Variants in DGLUCY observed in about 807,000 individuals in gnomAD.
The protein encoded by DGLUCY is D-glutamate cyclase, mitochondrial.
In DGLUCY, 58 loss-of-function variants were observed where a neutral mutation model predicts 58.5. The observed-to-expected ratio is 0.99, with a 90% CI of 0.80 to 1.23. The LOEUF (loss-of-function observed/expected upper bound fraction) is 1.23. Among genes scored for constraint, DGLUCY ranks in the 50% most tolerant of loss-of-function variants. The pLI is 0.00. For synonymous variants in DGLUCY, 325 were observed against 314.1 expected (o/e 1.03, Z -0.37); for missense variants, 779 against 784.7 (o/e 0.99, Z 0.09).
At chr14:91,156,121 T>TC (rs1287700980) in intron 1 of DGLUCY, among the ~76,000 whole-genome samples, 2 of 151,874 alleles carry the variant, frequency 1.3e-5, no homozygotes, top group African/African-American at 4.8e-5. Flanking sequence ...TCATTCTTTT[T>TC]TTTTTTTTTT....
chr14:91,196,296 A>C, intron 9 of DGLUCY, 79 bp from the exon 10 acceptor site: 1 of 1,104,528 alleles, frequency 9.1e-7, no homozygotes, highest in South Asian at 1.3e-5. Flanking sequence ...CCCTTCAAAG[A>C]AGCTTTTGAA....
At chr14:91,191,785 A>T (rs1417858204) in intron 9 of DGLUCY, among the ~76,000 whole-genome samples, 1 of 152,158 alleles carries the variant, frequency 6.6e-6, no homozygotes, top group East Asian at 1.9e-4. Flanking sequence ...GTGTGAGGAG[A>T]AGGATCAGGG....
chr14:91,147,621 C>T (rs558570157), intron 1 of DGLUCY, among the ~76,000 whole-genome samples: 49 of 152,318 alleles, frequency 3.2e-4, no homozygotes, highest in African/African-American at 4.3e-4. Flanking sequence ...TCTTCTGAAA[C>T]GTAACCCATA....
intron 1 of DGLUCY, among the ~76,000 whole-genome samples, chr14:91,127,347 C>T (rs2045765559): frequency 6.6e-6 from 1 of 152,188 alleles, no homozygotes; most frequent in South Asian, 2.1e-4. Context: ...AGCCACCATG[C>T]CAGGACCTTA....
In DGLUCY at chr14:91,196,394, C is replaced by A; in HGVS notation, c.1215C>A (p.Ile405=). The change falls in exon 10 of 14, where the codon ATC becomes ATA. Residue 405 remains isoleucine, a synonymous_variant. Coordinates refer to ENST00000256324, the MANE Select transcript of DGLUCY (RefSeq NM_001102368.3). The part of the protein sequence containing the change: ...AVEQGVLKTQ[I]PILTYQGGSV... Reference sequence around the variant, plus strand: ...TTCAAGGTGTTCTGAAGACGCAGATCCCGATATTAACTTACCAAGGTGGAT... The same window carrying A: ...TTCAAGGTGTTCTGAAGACGCAGATACCGATATTAACTTACCAAGGTGGAT... The A allele has an allele frequency of 6.2e-7, 1 of 1,614,060 alleles. No homozygotes were observed. The highest frequency in any genetic ancestry group is 1.3e-5 in the African/African-American group (1 of 75,016).
At chr14:91,198,235 G>T (rs554952015) in intron 10 of DGLUCY, among the ~76,000 whole-genome samples, 9 of 151,944 alleles carry the variant, frequency 5.9e-5, no homozygotes, top group Admixed American at 3.3e-4. Flanking sequence ...GTAGAGACTG[G>T]GTTTCACCAT....
Position 91,175,967 on chromosome 14 carries a change from C to T in DGLUCY, c.641C>T (p.Ala214Val), listed in dbSNP as rs753560430. The change falls in exon 7 of 14, where the codon GCC (alanine) becomes GTC (valine). Residue 214 changes from alanine (A) to valine (V), a missense_variant. Coordinates refer to ENST00000256324, the MANE Select transcript of DGLUCY (RefSeq NM_001102368.3). ...LLGIKELSKP[A>V]YGDAMVCPPG... is the part of the protein sequence containing the mutation. ...GGAATCAAAGAGCTTTCCAAACCTGCCTACGGGGATGCCATGGTGTGTCCC... is the reference window on the plus strand; with the variant it reads ...GGAATCAAAGAGCTTTCCAAACCTGTCTACGGGGATGCCATGGTGTGTCCC... The T allele has an allele frequency of 1.2e-6, 2 of 1,613,918 alleles. No homozygotes were observed. The highest frequency in any genetic ancestry group is 1.7e-6 in the Non-Finnish European group (2 of 1,179,942).
intron 1 of DGLUCY, among the ~76,000 whole-genome samples, chr14:91,072,809 C>T (rs1393390352): frequency 6.6e-6 from 1 of 151,872 alleles, no homozygotes; most frequent in Non-Finnish European, 1.5e-5. Context: ...ATCACGAGGT[C>T]AGGAGATCAA....
At chr14:91,206,394 CT>C (rs1349532360) in intron 12 of DGLUCY, among the ~76,000 whole-genome samples, 2 of 149,938 alleles carry the variant, frequency 1.3e-5, no homozygotes, top group African/African-American at 4.9e-5. Context: ...TTTTTTTTTT[CT>C]TTTCTGAGAC....
chr14:91,153,244 G>A (rs1378545359), intron 1 of DGLUCY, among the ~76,000 whole-genome samples: 4 of 152,188 alleles, frequency 2.6e-5, no homozygotes, highest in East Asian at 3.9e-4. Context: ...GTGCAGTGGC[G>A]AAATCTCGGC....
chr14:91,111,248 GTATA>G (rs779114336), upstream of DGLUCY, among the ~76,000 whole-genome samples: 220 of 81,148 alleles, frequency 2.7e-3, 3 homozygotes, highest in East Asian at 0.021. Flanking sequence ...GTGTGTGTGT[GTATA>G]TATCTATATA....
At chr14:91,219,895 G>T (rs1331356470) in intron 13 of DGLUCY, among the ~76,000 whole-genome samples, 1 of 152,172 alleles carries the variant, frequency 6.6e-6, no homozygotes, top group African/African-American at 2.4e-5. Context: ...TTGGCAGGGT[G>T]ACAGAGCTCT....
intron 1 of DGLUCY, among the ~76,000 whole-genome samples, chr14:91,069,910 A>T (rs1477802221): frequency 6.6e-6 from 1 of 150,664 alleles, no homozygotes; most frequent in African/African-American, 2.4e-5. Flanking sequence ...CCTCCCAAGT[A>T]GCTGGGATTA....
intron 1 of DGLUCY, among the ~76,000 whole-genome samples, chr14:91,130,420 G>A (rs1188796599): frequency 6.6e-6 from 1 of 151,028 alleles, no homozygotes; most frequent in East Asian, 1.9e-4. Context: ...CCATTCTCCT[G>A]CCTCAGCCTC....
chr14:91,218,939 G>A (rs967549632), intron 13 of DGLUCY, among the ~76,000 whole-genome samples: 3 of 151,758 alleles, frequency 2.0e-5, no homozygotes, highest in Non-Finnish European at 4.4e-5. Flanking sequence ...CAGAACTTTG[G>A]GAGGCTGAGG....
chr14:91,215,225 G>T (rs1338159653), intron 12 of DGLUCY, among the ~76,000 whole-genome samples, 180 bp from the exon 13 acceptor site: 1 of 152,152 alleles, frequency 6.6e-6, no homozygotes, highest in Non-Finnish European at 1.5e-5. Context: ...CTCCTGCTGA[G>T]CTTTTTATTC....
chr14:91,149,700 G>A (rs947958356), intron 1 of DGLUCY, among the ~76,000 whole-genome samples: 1 of 152,234 alleles, frequency 6.6e-6, no homozygotes, highest in Admixed American at 6.5e-5. Flanking sequence ...GTGTGCTCTA[G>A]TTTTACAGGC....
At chr14:91,098,012 C>T (rs2044425548) in intron 1 of DGLUCY, among the ~76,000 whole-genome samples, 1 of 151,764 alleles carries the variant, frequency 6.6e-6, no homozygotes, top group Admixed American at 6.6e-5. Context: ...TAAATATTCC[C>T]CACTACAGCC....
At position 91,181,251 on chromosome 14, in the gene DGLUCY, G is replaced by C. The variant is rs1285761243; in HGVS notation, c.796G>C (p.Ala266Pro). ...TVMTDLKDAK[A>P]PPGCLTPERI... ...TATGACTGACCTGAAGGATGCAAAG[G>C]CTCCACCTGGTTGTCTCACCCCAGA... is the stretch of plus-strand genomic sequence containing the variant. The change falls in exon 8 of 14, where the codon GCT becomes CCT. Residue 266 changes from alanine to proline, a missense_variant. By Grantham distance (27) the Ala-to-Pro change is conservative. Transcript: ENST00000256324. 8 of 1,614,010 alleles carry C rather than the reference G, an allele frequency of 5.0e-6. No individual in the cohort carries two copies. Among genetic ancestry groups the C allele is most frequent in the Non-Finnish European group, 6.8e-6 (8 of 1,180,030 alleles).
Sources: allele counts gnomAD v4.1 joint callset (sites outside exome capture counted in the v4.1 genomes callset), GRCh38; gene constraint gnomAD v4.1.1; transcripts MANE v1.5; gene names NCBI Gene and HGNC (gene_info 2026-07-23, HGNC 2026-07-21).